The following AGK variants were observed in gnomAD, a reference collection of about 807,000 sequenced individuals.
AGK encodes acylglycerol kinase, mitochondrial.
AGK carries 52 observed loss-of-function variants against 66.4 expected under a neutral mutation model. The ratio of observed to expected loss-of-function variants is 0.78; its 90% CI spans 0.63 to 0.99. AGK has a LOEUF of 0.99. Ranked by LOEUF, AGK falls within the 50% of genes least tolerant of loss-of-function variation. The pLI, the probability that AGK is intolerant of heterozygous loss-of-function variation, is 0.00. For missense variants in AGK, 451 were observed against 506.6 expected, an observed-to-expected ratio of 0.89 and a Z score of 1.05; for synonymous variants, 182 against 181.1, an observed-to-expected ratio of 1.00 and a Z score of -0.04.
At chr7:141,551,965 A>G (rs1286980554) in intron 1 of AGK, among the ~76,000 whole-genome samples, 1 of 152,118 alleles carries the variant, frequency 6.6e-6, no homozygotes, top group African/African-American at 2.4e-5. Flanking sequence ...AAACCGCACT[A>G]CTTTTCTCCA....
At chr7:141,642,014 A>G (rs1044482889) in intron 13 of AGK, 106 bp downstream of exon 13, 2 of 999,006 alleles carry the variant, frequency 2.0e-6, no homozygotes, top group Admixed American at 4.1e-5. Context: ...CCCTGTGGAG[A>G]TAGAGAGGGC....
intron 9 of AGK, 55 bp downstream of exon 9, chr7:141,621,856 GT>G: frequency 7.7e-7 from 1 of 1,305,416 alleles, no homozygotes; most frequent in Non-Finnish European, 1.1e-6. Flanking sequence ...TCGCTTACAT[GT>G]TAAAGAAAAT....
At position 141,641,143 on chromosome 7, in the gene AGK, C is replaced by T. The variant is rs867394130; in HGVS notation, c.727-105C>T. The T allele has an allele frequency of 1.3e-5, 14 of 1,053,380 alleles. No homozygotes were observed. In the Middle Eastern group the frequency reaches 6.4e-4, roughly 48 times the overall value. 65.3% of individuals were successfully genotyped at this position (1,053,380 alleles called of 1,614,324 possible). A position where few individuals can be genotyped will look rare whatever the true frequency, so the allele number is the denominator to read the frequency against. ...CCAGTGAGAGGAGATTATTAGTTCA[C>T]TTTCTAGCAGGTATAGGTAGACAAA... On this transcript the variant is annotated intron_variant, in intron 11 of 15. Coordinates refer to ENST00000649286, the MANE Select transcript of AGK (RefSeq NM_018238.4).
chr7:141,647,506 G>A (rs1478841620), intron 13 of AGK, among the ~76,000 whole-genome samples: 1 of 152,094 alleles, frequency 6.6e-6, no homozygotes, highest in Non-Finnish European at 1.5e-5. Context: ...CCCCTTGTGT[G>A]GATTGCTCAT....
chr7:141,642,063 A>G (rs887025853), intron 13 of AGK, among the ~76,000 whole-genome samples, 155 bp downstream of exon 13: 1 of 152,196 alleles, frequency 6.6e-6, no homozygotes, highest in Admixed American at 6.5e-5. Context: ...CCTTTAAGGA[A>G]TAACAGCAAT....
intron 13 of AGK, chr7:141,649,029 T>TAA (rs111790655): frequency 8.3e-5 from 25 of 302,800 alleles, no homozygotes; most frequent in African/African-American, 1.5e-4. Context: ...GCTTATGTAG[T>TAA]AAAAAAAAAA....
chr7:141,588,266 G>A (rs918591698), intron 2 of AGK, among the ~76,000 whole-genome samples: 1 of 152,208 alleles, frequency 6.6e-6, no homozygotes, highest in Non-Finnish European at 1.5e-5. Flanking sequence ...GACCCCAAGA[G>A]AGGGTTCTTA....
intron 2 of AGK, among the ~76,000 whole-genome samples, chr7:141,567,670 C>G (rs945026517): frequency 5.9e-5 from 9 of 152,214 alleles, no homozygotes; most frequent in African/African-American, 9.6e-5. Context: ...TCTTCAACTG[C>G]TTTTACCAAG....
intron 11 of AGK, 63 bp downstream of exon 11, chr7:141,637,080 T>C: frequency 7.2e-7 from 1 of 1,379,460 alleles, no homozygotes; most frequent in Non-Finnish European, 1.0e-6. Flanking sequence ...GTAATGCATA[T>C]ATTTGGTATT....
chr7:141,647,571 A>G (rs1797446792), intron 13 of AGK, among the ~76,000 whole-genome samples: 1 of 152,210 alleles, frequency 6.6e-6, no homozygotes, highest in Non-Finnish European at 1.5e-5. Context: ...TCAGTATCAC[A>G]TGGAAGTTGC....
At chr7:141,619,132 C>G (rs1382643984) in intron 8 of AGK, among the ~76,000 whole-genome samples, 1 of 152,070 alleles carries the variant, frequency 6.6e-6, no homozygotes, top group Admixed American at 6.5e-5. Context: ...CACAACTGAT[C>G]TATAAATTCA....
intron 2 of AGK, among the ~76,000 whole-genome samples, chr7:141,571,909 T>G (rs1023054025): frequency 2.0e-5 from 3 of 152,210 alleles, no homozygotes; most frequent in African/African-American, 7.2e-5. Flanking sequence ...CTTTAGTCTT[T>G]TCCCTCCTCA....
intron 2 of AGK, among the ~76,000 whole-genome samples, chr7:141,586,806 C>A (rs1796003351): frequency 6.6e-6 from 1 of 152,050 alleles, no homozygotes; most frequent in African/African-American, 2.4e-5. Context: ...CTGATTTTTC[C>A]TTTGACTTTC....
chr7:141,591,069 T>G (rs1160884211), intron 2 of AGK, among the ~76,000 whole-genome samples: 1 of 145,666 alleles, frequency 6.9e-6, no homozygotes, highest in Non-Finnish European at 1.5e-5. Context: ...CAGTAAAACA[T>G]GGTTCTTAAG....
intron 9 of AGK, among the ~76,000 whole-genome samples, chr7:141,626,636 A>G (rs964757544): frequency 1.3e-5 from 2 of 152,200 alleles, no homozygotes; most frequent in South Asian, 4.1e-4. Flanking sequence ...ACTGAATATA[A>G]TCATGAAGAA....
intron 13 of AGK, among the ~76,000 whole-genome samples, chr7:141,646,895 C>T (rs1235037393): frequency 2.6e-5 from 4 of 152,144 alleles, no homozygotes; most frequent in African/African-American, 2.4e-5. Context: ...AAATGTTTCC[C>T]GACCCTGTTC....
chr7:141,579,918 T>C (rs1795845972), intron 2 of AGK, among the ~76,000 whole-genome samples: 1 of 151,976 alleles, frequency 6.6e-6, no homozygotes, highest in Non-Finnish European at 1.5e-5. Context: ...GGAGAAAAAC[T>C]GGCTGTGAGG....
At chr7:141,585,440 T>C (rs1795976569) in intron 2 of AGK, among the ~76,000 whole-genome samples, 1 of 152,244 alleles carries the variant, frequency 6.6e-6, no homozygotes, top group Non-Finnish European at 1.5e-5. Context: ...GGCAATATCA[T>C]GATTAATTAT....
chr7:141,636,665 G>A (rs922266653), intron 10 of AGK, among the ~76,000 whole-genome samples: 2 of 152,156 alleles, frequency 1.3e-5, no homozygotes, highest in Non-Finnish European at 1.5e-5. Context: ...TGGCTTAAAG[G>A]ATGTGTTTAA....
Sources: gnomAD v4.1 joint callset for allele counts (sites outside exome capture counted in the v4.1 genomes callset) on GRCh38, gnomAD v4.1.1 for gene constraint, MANE v1.5 for transcripts, NCBI Gene and HGNC (gene_info 2026-07-23, HGNC 2026-07-21) for gene names.